MSH4: variants seen among roughly 807,000 people sequenced by gnomAD.
MSH4 encodes mutS protein homolog 4.
In MSH4, 106 loss-of-function variants were observed where a neutral mutation model predicts 113.7. The ratio of observed to expected loss-of-function variants is 0.93; its 90% CI spans 0.80 to 1.10. MSH4 has a LOEUF of 1.10. MSH4 is among the 50% of genes least tolerant of loss of function. The pLI, the probability that MSH4 is intolerant of heterozygous loss-of-function variation, is 0.00. For missense variants in MSH4, 1,061 were observed against 1,093.7 expected (o/e 0.97, Z 0.42); for synonymous variants, 368 against 380.2 (o/e 0.97, Z 0.37).
At chr1:75,867,095 G>A (rs1651578473) in intron 8 of MSH4, among the ~76,000 whole-genome samples, 1 of 152,172 alleles carries the variant, frequency 6.6e-6, no homozygotes, top group African/African-American at 2.4e-5. Flanking sequence ...ACCAATGAGG[G>A]AAATCAGTGT....
chr1:75,889,455 A>C, intron 16 of MSH4, 86 bp downstream of exon 16: 1 of 634,042 alleles, frequency 1.6e-6, no homozygotes, highest in South Asian at 2.1e-5. Flanking sequence ...TTTATACTAA[A>C]ATATGCAGAT....
At chr1:75,824,976 TA>T (rs1041231571) in intron 7 of MSH4, among the ~76,000 whole-genome samples, 2 of 145,964 alleles carry the variant, frequency 1.4e-5, no homozygotes, top group African/African-American at 2.6e-5. Context: ...AAATTTAAAG[TA>T]TTTTTTTTTC....
intron 19 of MSH4, among the ~76,000 whole-genome samples, chr1:75,909,004 G>A (rs548678799): frequency 6.6e-6 from 1 of 152,250 alleles, no homozygotes; most frequent in South Asian, 2.1e-4. Context: ...TGTCTCCTTC[G>A]ACTGAAATGA....
At chr1:75,798,941 C>CT (rs1023540430) in intron 1 of MSH4, among the ~76,000 whole-genome samples, 2 of 152,158 alleles carry the variant, frequency 1.3e-5, no homozygotes, top group African/African-American at 4.8e-5. Flanking sequence ...TATCATGTCC[C>CT]TTGCCACTTA....
chr1:75,871,871 T>C (rs1369076588), intron 9 of MSH4, among the ~76,000 whole-genome samples: 1 of 152,246 alleles, frequency 6.6e-6, no homozygotes, highest in Non-Finnish European at 1.5e-5. Flanking sequence ...GACTATTTGC[T>C]TTCCATAGAC....
chr1:75,819,121 A>G (rs1455760499), intron 6 of MSH4, among the ~76,000 whole-genome samples: 1 of 151,848 alleles, frequency 6.6e-6, no homozygotes, highest in Non-Finnish European at 1.5e-5. Context: ...TGATATGATT[A>G]TGTGTTTATT....
intron 8 of MSH4, among the ~76,000 whole-genome samples, chr1:75,859,256 A>C (rs934702151): frequency 7.2e-5 from 11 of 151,856 alleles, no homozygotes; most frequent in Non-Finnish European, 1.6e-4. Context: ...TTGTGTCTCT[A>C]TTTCCTTTAG....
At chr1:75,848,075 A>G (rs1651112542) in intron 7 of MSH4, 134 bp from the exon 8 acceptor site, 1 of 541,862 alleles carries the variant, frequency 1.8e-6, no homozygotes, top group Admixed American at 3.6e-5. Context: ...CATGTAAGAT[A>G]GTTAAAGAAG....
Position 75,796,885 on chromosome 1 carries a change from C to T in MSH4, c.-101C>T. The T allele has an allele frequency of 6.5e-7, 1 of 1,536,004 alleles. No homozygotes were observed. Among genetic ancestry groups the T allele is most frequent in the Non-Finnish European group, 8.9e-7 (1 of 1,128,980 alleles). The stretch of plus-strand genomic sequence containing the variant: ...CAGTGCAGCTTAGTGCGTCGGCGCG[C>T]AGTTCTCCCGCCCGTTTCAGCGGCG... On this transcript the variant is annotated 5_prime_UTR_variant, in exon 1 of 20. Coordinates refer to ENST00000263187, the MANE Select transcript of MSH4 (RefSeq NM_002440.4).
At position 75,878,260 on chromosome 1, in the gene MSH4, A is replaced by G. The variant is rs201787642; in HGVS notation, c.1482A>G (p.Ile494Met). ...AGTGCTATGCAGTGAGGTCTAACAT[A>G]AATGAATTTCTTGACATAGCAAGAA... ...TQKCYAVRSN[I>M]NEFLDIARRT... is the part of the protein sequence containing the mutation. Residue 494 changes from isoleucine (I) to methionine (M), a missense_variant, in exon 11 of 20, where the codon ATA becomes ATG. Ile to Met is a conservative substitution (Grantham distance 10, BLOSUM62 1). Transcript: ENST00000263187. The G allele has an allele frequency of 7.8e-5, 126 of 1,606,700 alleles. No homozygotes were observed. Among genetic ancestry groups the G allele is most frequent in the Non-Finnish European group, 8.3e-5 (98 of 1,178,314 alleles).
Position 75,822,600 on chromosome 1 carries a change from ATAT to A in MSH4, c.1162+23_1162+25del. On this transcript the variant is annotated intron_variant, in intron 7 of 19. Transcript: ENST00000263187. The stretch of plus-strand genomic sequence containing the variant: ...CAATCAGGTAAATCAATATTATTTA[ATAT>A]TATAAATACAAATTATTGAAAAATA... The A allele has an allele frequency of 8.1e-7, 1 of 1,239,410 alleles. No homozygotes were observed. The highest frequency in any genetic ancestry group is 1.1e-6 in the Non-Finnish European group (1 of 921,258). The allele number at this position is 1,239,410 out of a possible 1,614,324, so 76.8% of individuals were successfully genotyped here.
chr1:75,885,057 G>A (rs555497582), intron 15 of MSH4, among the ~76,000 whole-genome samples: 19,916 of 112,610 alleles, frequency 0.18, 2,251 homozygotes, highest in African/African-American at 0.34. Context: ...GTGTGTGTGT[G>A]TGTATATATA....
At chr1:75,880,611 G>T (rs928412874) in intron 13 of MSH4, among the ~76,000 whole-genome samples, 87 of 152,174 alleles carry the variant, frequency 5.7e-4, no homozygotes, top group African/African-American at 2.0e-3. Flanking sequence ...TAAAGAGAAA[G>T]GTTGGGCTTT....
At chr1:75,872,348 A>G (rs765046437) in intron 9 of MSH4, among the ~76,000 whole-genome samples, 4 of 152,230 alleles carry the variant, frequency 2.6e-5, no homozygotes, top group Non-Finnish European at 1.5e-5. Context: ...CAAAAAACAA[A>G]ACAAAGAAAA....
At chr1:75,805,508 C>T (rs986913974) in intron 2 of MSH4, among the ~76,000 whole-genome samples, 3 of 151,576 alleles carry the variant, frequency 2.0e-5, no homozygotes, top group Non-Finnish European at 4.4e-5. Context: ...CTGCCTCGGC[C>T]TCCCGAGTAG....
chr1:75,797,290 T>C, intron 1 of MSH4, 61 bp downstream of exon 1: 3 of 1,540,360 alleles, frequency 1.9e-6, no homozygotes, highest in Non-Finnish European at 2.6e-6. Flanking sequence ...TCATGGAGGC[T>C]CGGGGGCACG....
At chr1:75,819,610 G>A (rs1203241007) in intron 6 of MSH4, among the ~76,000 whole-genome samples, 1 of 152,158 alleles carries the variant, frequency 6.6e-6, no homozygotes, top group African/African-American at 2.4e-5. Flanking sequence ...TACCATAAGG[G>A]CTCAAAAAGT....
intron 15 of MSH4, among the ~76,000 whole-genome samples, chr1:75,884,620 C>G (rs1652019337): frequency 6.6e-6 from 1 of 151,874 alleles, no homozygotes; most frequent in South Asian, 2.1e-4. Context: ...TCCACGCTCC[C>G]CTGCTTTCCT....
At chr1:75,816,345 T>C (rs1036503432) in intron 5 of MSH4, 28 bp from the exon 6 acceptor site, 20 of 1,502,278 alleles carry the variant, frequency 1.3e-5, no homozygotes, top group South Asian at 3.9e-5. Context: ...TAAAGACTTA[T>C]AGTGATGTAT....
Sources: allele counts gnomAD v4.1 joint callset (sites outside exome capture counted in the v4.1 genomes callset), GRCh38; gene constraint gnomAD v4.1.1; transcripts MANE v1.5; gene names NCBI Gene and HGNC (gene_info 2026-07-23, HGNC 2026-07-21).